The following COL15A1 variants were observed in gnomAD, a reference collection of about 807,000 sequenced individuals.
The protein encoded by COL15A1 is collagen alpha-1(XV) chain.
In COL15A1, 111 loss-of-function variants were observed where a neutral mutation model predicts 165.9. The observed-to-expected ratio is 0.67, with a 90% CI of 0.57 to 0.78. The LOEUF (loss-of-function observed/expected upper bound fraction) is 0.78. COL15A1 is among the 30% of genes least tolerant of loss of function. The pLI is 0.00. For synonymous variants in COL15A1, 659 were observed against 674.8 expected (o/e 0.98, Z 0.36); for missense variants, 1,745 against 1,789.7 (o/e 0.98, Z 0.45).
chr9:98,986,904 C>T (rs1044743744), intron 3 of COL15A1, among the ~76,000 whole-genome samples: 7 of 152,098 alleles, frequency 4.6e-5, no homozygotes, highest in Non-Finnish European at 8.8e-5. Flanking sequence ...GCTGTGGTAG[C>T]CCTTCTTGGG....
intron 36 of COL15A1, among the ~76,000 whole-genome samples, chr9:99,061,277 T>C (rs1825810568): frequency 6.6e-6 from 1 of 152,246 alleles, no homozygotes; most frequent in Non-Finnish European, 1.5e-5. Context: ...ATTAATATTT[T>C]ATAATCTTTC....
intron 2 of COL15A1, among the ~76,000 whole-genome samples, chr9:98,948,471 G>A (rs890848810): frequency 8.6e-5 from 13 of 151,924 alleles, no homozygotes; most frequent in South Asian, 6.2e-4. Context: ...GGTGGCGGGC[G>A]CCTGTAGTCC....
chr9:99,027,985 C>T (rs1047151309), intron 16 of COL15A1, among the ~76,000 whole-genome samples: 1 of 152,212 alleles, frequency 6.6e-6, no homozygotes, highest in Admixed American at 6.5e-5. Flanking sequence ...TCCAATGATT[C>T]GTTTGATCTT....
intron 22 of COL15A1, among the ~76,000 whole-genome samples, chr9:99,039,882 T>C (rs1426291418): frequency 6.6e-6 from 1 of 152,212 alleles, no homozygotes; most frequent in African/African-American, 2.4e-5. Context: ...GCAATGCCGA[T>C]GTCCCTGCCT....
intron 8 of COL15A1, 96 bp downstream of exon 8, chr9:99,003,683 G>A (rs1339067208): frequency 1.5e-6 from 2 of 1,305,652 alleles, no homozygotes; most frequent in Non-Finnish European, 2.0e-6. Flanking sequence ...ATGTGTCTGT[G>A]AAACACAGTG....
intron 41 of COL15A1, among the ~76,000 whole-genome samples, chr9:99,069,204 C>T (rs937700800): frequency 1.3e-5 from 2 of 152,106 alleles, no homozygotes; most frequent in Admixed American, 1.3e-4. Flanking sequence ...GGCTCACAGT[C>T]TACAGAGGAA....
chr9:98,967,025 A>G (rs1334192702), intron 2 of COL15A1, among the ~76,000 whole-genome samples: 1 of 152,212 alleles, frequency 6.6e-6, no homozygotes, highest in African/African-American at 2.4e-5. Flanking sequence ...TCGTTCATTC[A>G]TTCATCAAAT....
rs549315296 is a variant in COL15A1 at position 98,958,688 on chromosome 9, G to A, written c.100+14438G>A. ...AAGTGGCTTTATTTGTTTAATATTTGCAAGTGTGGGCTGATATCAAATTGC... is the reference window on the plus strand; with the variant it reads ...AAGTGGCTTTATTTGTTTAATATTTACAAGTGTGGGCTGATATCAAATTGC... On this transcript the variant is annotated intron_variant, in intron 2 of 41. Coordinates refer to ENST00000375001, the MANE Select transcript of COL15A1 (RefSeq NM_001855.5). Among the ~76,000 whole-genome samples the A allele has an allele frequency of 5.3e-5, 8 of 152,114 alleles. No individual in the cohort carries two copies. The South Asian group carries it at 1.7e-3, about 32-fold the overall frequency.
intron 35 of COL15A1, among the ~76,000 whole-genome samples, chr9:99,058,609 T>C (rs1825764714): frequency 6.6e-6 from 1 of 152,236 alleles, no homozygotes; most frequent in East Asian, 1.9e-4. Context: ...ACATAATGTA[T>C]AGCAATTCAG....
At position 98,952,385 on chromosome 9, in the gene COL15A1, A is replaced by G. The variant is rs552070167; in HGVS notation, c.100+8135A>G. Among the ~76,000 whole-genome samples the G allele has an allele frequency of 3.9e-5, 6 of 152,154 alleles. No homozygotes were observed. In the South Asian group the frequency reaches 1.2e-3, roughly 32 times the overall value. On this transcript the variant is annotated intron_variant, in intron 2 of 41. Transcript: ENST00000375001. ...GCTCTTTATCTTTCTTATTATATTAATTGGATAAAAATTTATTTCCCAGCT... is the reference window on the plus strand; with the variant it reads ...GCTCTTTATCTTTCTTATTATATTAGTTGGATAAAAATTTATTTCCCAGCT...
rs558888045 is a variant in COL15A1, at chr9:99,068,430, A to C, written c.3838-125A>C. 49 of 439,194 alleles carry C rather than the reference A, an allele frequency of 1.1e-4. 1 individual carries two copies. Among genetic ancestry groups the C allele is most frequent in the Middle Eastern group, 1.2e-3 (2 of 1,660 alleles). 27.2% of individuals were successfully genotyped at this position (439,194 alleles called of 1,614,324 possible). A position where few individuals can be genotyped will look rare whatever the true frequency, so the allele number is the denominator to read the frequency against. The stretch of plus-strand genomic sequence containing the variant: ...CAGTGAGCCAAGATCCCACCATTGC[A>C]CTCCAGCCTGGCTGGATGACAAAAG... On this transcript the variant is annotated intron_variant, in intron 40 of 41. Transcript: ENST00000375001.
chr9:98,986,081 A>G lies in COL15A1; in HGVS notation c.617A>G (p.Asn206Ser), dbSNP rs1838308995. 6.2e-7 allele frequency: 1 copy of G among 1,613,702 alleles called. No homozygotes were observed. The highest frequency in any genetic ancestry group is 1.3e-5 in the African/African-American group (1 of 74,944). ...TCCAGCGCTGGAATCTTCATGGGCAATGCAGGAGCTACAGGGCTCGAGAGA... is the reference window on the plus strand; with the variant it reads ...TCCAGCGCTGGAATCTTCATGGGCAGTGCAGGAGCTACAGGGCTCGAGAGA... ...FESSAGIFMG[N>S]AGATGLERFT... Residue 206 changes from asparagine to serine, a missense_variant, in exon 3 of 42, where the codon AAT becomes AGT. Transcript: ENST00000375001.
chr9:98,949,451 A>C (rs1325048307), intron 2 of COL15A1, among the ~76,000 whole-genome samples: 2 of 152,192 alleles, frequency 1.3e-5, no homozygotes, highest in African/African-American at 4.8e-5. Context: ...TGAGTAGACA[A>C]TGCCAGCATG....
At chr9:99,018,400 A>T (rs1271047839) in intron 11 of COL15A1, among the ~76,000 whole-genome samples, 1 of 152,164 alleles carries the variant, frequency 6.6e-6, no homozygotes, top group South Asian at 2.1e-4. Context: ...GGCTGTGCTC[A>T]TGGGAGTGTG....
chr9:98,980,019 G>T (rs1838209777), intron 2 of COL15A1, among the ~76,000 whole-genome samples: 1 of 152,068 alleles, frequency 6.6e-6, no homozygotes. Flanking sequence ...TTAGCTGAGT[G>T]TGATGCTGCA....
chr9:99,069,924 T>C lies in COL15A1; in HGVS notation c.*38T>C, dbSNP rs757165487. 6 of 1,531,118 alleles carry C rather than the reference T, an allele frequency of 3.9e-6. No individual in the cohort carries two copies. The South Asian group carries it at 7.0e-5, about 18-fold the overall frequency. The allele number at this position is 1,531,118 out of a possible 1,614,324, so 94.8% of individuals were successfully genotyped here. A position where few individuals can be genotyped will look rare whatever the true frequency, so the allele number is the denominator to read the frequency against. Reference sequence around the variant, plus strand: ...GATTCTTAAAGAGTTTTCAATTTTTTCTTATGTGAAGAGTTGACACTGAAA... The same window carrying C: ...GATTCTTAAAGAGTTTTCAATTTTTCCTTATGTGAAGAGTTGACACTGAAA... On this transcript the variant is annotated 3_prime_UTR_variant, in exon 42 of 42. Transcript: ENST00000375001.
intron 1 of COL15A1, 29 bp downstream of exon 1, chr9:98,944,101 T>C (rs1837534238): frequency 1.2e-6 from 2 of 1,614,068 alleles, no homozygotes; most frequent in Non-Finnish European, 1.7e-6. Flanking sequence ...CTTCCTCGCG[T>C]CCCGGGCCCC....
chr9:99,022,043 G>A, intron 12 of COL15A1, 48 bp from the exon 13 acceptor site: 1 of 1,609,258 alleles, frequency 6.2e-7, no homozygotes, highest in Non-Finnish European at 8.5e-7. Context: ...GTGGGGAGAT[G>A]GTAGGAACAG....
At chr9:98,970,602 T>A (rs1438015486) in intron 2 of COL15A1, among the ~76,000 whole-genome samples, 2 of 152,208 alleles carry the variant, frequency 1.3e-5, no homozygotes, top group African/African-American at 4.8e-5. Context: ...GGTTTGATTG[T>A]TTTTAGCCTC....
Sources: gnomAD v4.1 joint callset for allele counts (sites outside exome capture counted in the v4.1 genomes callset) on GRCh38, gnomAD v4.1.1 for gene constraint, MANE v1.5 for transcripts, NCBI Gene and HGNC (gene_info 2026-07-23, HGNC 2026-07-21) for gene names.